Variants in C12orf42 observed in about 807,000 individuals in gnomAD.
C12orf42 encodes the protein chromosome 12 open reading frame 42.
In C12orf42, 25 loss-of-function variants were observed where a neutral mutation model predicts 21.6. That is an observed-to-expected ratio of 1.16 (90% CI 0.84 to 1.62). C12orf42 has a LOEUF of 1.62. C12orf42 is among the 40% of genes most tolerant of loss of function. The probability of loss-of-function intolerance (pLI) is 0.00; values close to 1 mark genes in which losing one functional copy is unlikely to be tolerated. For missense variants in C12orf42, 483 were observed against 459.3 expected (o/e 1.05, Z -0.47); for synonymous variants, 174 against 175.0 (o/e 0.99, Z 0.05).
the C12orf42 span, among the ~76,000 whole-genome samples, chr12:103,165,842 A>G: frequency 6.6e-6 from 1 of 152,008 alleles, no homozygotes; most frequent in South Asian, 2.1e-4. Context: ...GGAGTTCTAG[A>G]CCAGCCTGGC....
chr12:103,487,436 T>A (rs1001530698), intron 1 of C12orf42, among the ~76,000 whole-genome samples: 1 of 152,198 alleles, frequency 6.6e-6, no homozygotes, highest in Non-Finnish European at 1.5e-5. Flanking sequence ...ATTCTGTTGA[T>A]TTGGGGTGGA....
At chr12:103,077,112 A>AATT in the C12orf42 span, among the ~76,000 whole-genome samples, 1 of 152,318 alleles carries the variant, frequency 6.6e-6, no homozygotes, top group East Asian at 1.9e-4. Context: ...TTTAATACCA[A>AATT]ATTATTAAGG....
chr12:103,316,055 TAC>T lies in C12orf42; in HGVS notation c.260-9712_260-9711del, dbSNP rs148613117. On this transcript the variant is annotated intron_variant, in intron 4 of 5. Transcript: ENST00000548883. ...CATGCACTGATGCAGTATATATATA[TAC>T]ACACACACACACAGTACTATATAGT... 8.9e-3 allele frequency among the ~76,000 whole-genome samples: 1,324 copies of T among 149,400 alleles called. 13 individuals carry two copies. Among genetic ancestry groups the T allele is most frequent in the African/African-American group, 0.023 (921 of 40,640 alleles).
the C12orf42 span, among the ~76,000 whole-genome samples, chr12:103,085,448 C>T: frequency 6.6e-6 from 1 of 151,940 alleles, no homozygotes; most frequent in Non-Finnish European, 1.5e-5. Flanking sequence ...GCACGCGGGT[C>T]ATATGAGTAG....
chr12:103,244,213 A>G (rs1243665158), intron 10 of C12orf42, among the ~76,000 whole-genome samples: 3 of 152,124 alleles, frequency 2.0e-5, no homozygotes, highest in Admixed American at 2.0e-4. Flanking sequence ...CACGGATCCT[A>G]ATCCCTGGCC....
chr12:103,143,511 AAACTC>A, the C12orf42 span, among the ~76,000 whole-genome samples: 1 of 152,180 alleles, frequency 6.6e-6, no homozygotes, highest in Non-Finnish European at 1.5e-5. Context: ...AAAACCAAGA[AAACTC>A]CTCTACTGTG....
At chr12:103,312,164 G>A (rs558145621) in intron 4 of C12orf42, among the ~76,000 whole-genome samples, 1 of 152,306 alleles carries the variant, frequency 6.6e-6, no homozygotes, top group Non-Finnish European at 1.5e-5. Flanking sequence ...GATACAAAGA[G>A]AGGAAGCGTC....
chr12:103,194,449 TA>T, the C12orf42 span, among the ~76,000 whole-genome samples: 1 of 152,272 alleles, frequency 6.6e-6, no homozygotes, highest in East Asian at 1.9e-4. Flanking sequence ...CTGTTAGAAC[TA>T]GTAAATAAAT....
chr12:103,070,530 A>T, the C12orf42 span, among the ~76,000 whole-genome samples: 1 of 151,956 alleles, frequency 6.6e-6, no homozygotes, highest in Non-Finnish European at 1.5e-5. Flanking sequence ...ACACACACAC[A>T]CACACACACA....
At chr12:103,204,393 T>C in the C12orf42 span, among the ~76,000 whole-genome samples, 4 of 152,308 alleles carry the variant, frequency 2.6e-5, no homozygotes, top group East Asian at 3.9e-4. Flanking sequence ...TAATTTTTTT[T>C]CCTCAACTAC....
the C12orf42 span, among the ~76,000 whole-genome samples, chr12:103,194,987 C>T: frequency 6.6e-6 from 1 of 152,046 alleles, no homozygotes; most frequent in African/African-American, 2.4e-5. Flanking sequence ...GTCTATTTTT[C>T]CTTCTTTGTG....
intron 2 of C12orf42, among the ~76,000 whole-genome samples, chr12:103,436,128 A>T (rs1950686696): frequency 6.6e-6 from 1 of 152,052 alleles, no homozygotes; most frequent in Non-Finnish European, 1.5e-5. Context: ...TTTTCAACCC[A>T]GAATTTCATA....
At chr12:103,142,971 A>G in the C12orf42 span, among the ~76,000 whole-genome samples, 1 of 152,318 alleles carries the variant, frequency 6.6e-6, no homozygotes, top group East Asian at 1.9e-4. Flanking sequence ...GGGAAGCCTC[A>G]CAGCTCAAAA....
chr12:103,147,623 C>CTTTTTTTTTTTTTT, the C12orf42 span, among the ~76,000 whole-genome samples: 2 of 99,314 alleles, frequency 2.0e-5, no homozygotes, highest in Admixed American at 1.3e-4. Context: ...TTCTCTCTCT[C>CTTTTTTTTTTTTTT]TTTTTTTTTT....
At chr12:103,249,843 A>ATTT (rs2034203183) in intron 10 of C12orf42, among the ~76,000 whole-genome samples, 1 of 152,094 alleles carries the variant, frequency 6.6e-6, no homozygotes, top group Non-Finnish European at 1.5e-5. Context: ...AAACCAGTCA[A>ATTT]TCCTTAGATT....
intron 2 of C12orf42, among the ~76,000 whole-genome samples, chr12:103,422,916 C>A (rs1264341708): frequency 6.6e-6 from 1 of 151,840 alleles, no homozygotes; most frequent in Admixed American, 6.6e-5. Context: ...TGGGTCACTG[C>A]ATACTGTGTA....
At chr12:103,145,470 A>G in the C12orf42 span, among the ~76,000 whole-genome samples, 3 of 152,220 alleles carry the variant, frequency 2.0e-5, no homozygotes, top group Non-Finnish European at 2.9e-5. Context: ...TAAAAATAGA[A>G]TGATAACAAG....
intron 10 of C12orf42, among the ~76,000 whole-genome samples, chr12:103,258,504 C>T (rs1366373287): frequency 1.3e-5 from 2 of 151,806 alleles, no homozygotes; most frequent in Non-Finnish European, 2.9e-5. Context: ...TGAATTATAA[C>T]ATCTTGTTTT....
the C12orf42 span, chr12:103,558,496 T>G: frequency 6.6e-6 from 1 of 152,272 alleles, no homozygotes; most frequent in Non-Finnish European, 1.5e-5. Context: ...TCTGTGTGTG[T>G]CTACTTCCTC....
Sources: allele counts gnomAD v4.1 joint callset (sites outside exome capture counted in the v4.1 genomes callset), GRCh38; gene constraint gnomAD v4.1.1; transcripts MANE v1.5; gene names NCBI Gene and HGNC (gene_info 2026-07-23, HGNC 2026-07-21).